LTBP1: variants seen among roughly 807,000 people sequenced by gnomAD.
LTBP1 encodes latent transforming growth factor beta binding protein 1, also known as latent-transforming growth factor beta-binding protein 1.
Under a neutral mutation model 207.6 loss-of-function variants are expected in LTBP1, and 129 were observed. The observed-to-expected ratio is 0.62, with a 90% CI of 0.54 to 0.72. The LOEUF is 0.72. LTBP1 is among the 30% of genes least tolerant of loss of function. LTBP1 has a pLI of 0.00. For synonymous variants in LTBP1, 963 were observed against 833.7 expected (o/e 1.16, Z -2.67); for missense variants, 2,281 against 2,217.2 (o/e 1.03, Z -0.58).
intron 31 of LTBP1, among the ~76,000 whole-genome samples, chr2:33,366,284 A>G (rs914065556): frequency 6.6e-6 from 1 of 152,244 alleles, no homozygotes; most frequent in African/African-American, 2.4e-5. Flanking sequence ...TGTTAAAGCT[A>G]GAAAGATCAT....
intron 3 of LTBP1, among the ~76,000 whole-genome samples, chr2:33,045,226 C>T (rs1290300906): frequency 6.6e-6 from 1 of 152,066 alleles, no homozygotes; most frequent in Non-Finnish European, 1.5e-5. Context: ...AGGTTTTCTT[C>T]TAGGGTTTTT....
chr2:32,998,762 C>G (rs2148948462), intron 2 of LTBP1, among the ~76,000 whole-genome samples: 1 of 152,160 alleles, frequency 6.6e-6, no homozygotes, highest in Middle Eastern at 3.4e-3. Context: ...TGTTCTCTCC[C>G]ATGTGAGGAT....
intron 24 of LTBP1, among the ~76,000 whole-genome samples, chr2:33,331,549 CTT>C (rs1411556285): frequency 6.6e-6 from 1 of 151,988 alleles, no homozygotes; most frequent in Non-Finnish European, 1.5e-5. Context: ...TGGTTTCTAC[CTT>C]AAAACCACTA....
intron 3 of LTBP1, among the ~76,000 whole-genome samples, chr2:33,084,316 T>C (rs1299012040): frequency 6.6e-6 from 1 of 152,162 alleles, no homozygotes; most frequent in Non-Finnish European, 1.5e-5. Context: ...TGGCCCTTTC[T>C]TGGGGAGACA....
At chr2:33,087,319 C>G (rs1439398001) in intron 3 of LTBP1, among the ~76,000 whole-genome samples, 1 of 152,042 alleles carries the variant, frequency 6.6e-6, no homozygotes, top group Non-Finnish European at 1.5e-5. Flanking sequence ...TCTTCTGCCT[C>G]CACCTCCCAA....
chr2:33,026,457 A>G (rs1227483188), intron 3 of LTBP1, among the ~76,000 whole-genome samples: 2 of 152,164 alleles, frequency 1.3e-5, no homozygotes, highest in East Asian at 1.9e-4. Flanking sequence ...ATCCTTGTCT[A>G]TGGATTGTTT....
intron 2 of LTBP1, among the ~76,000 whole-genome samples, chr2:32,961,553 TC>T (rs137915549): frequency 0.25 from 37,328 of 151,890 alleles, 4,690 homozygotes; most frequent in Admixed American, 0.32. Context: ...GTTTTGTTCA[TC>T]CCCCCCACCT....
chr2:33,221,833 T>C (rs932092723), intron 8 of LTBP1, among the ~76,000 whole-genome samples: 3 of 152,208 alleles, frequency 2.0e-5, no homozygotes, highest in Non-Finnish European at 4.4e-5. Context: ...TACAACAATC[T>C]TAGGATTGTT....
At position 33,070,020 on chromosome 2, in the gene LTBP1, C is replaced by T. The variant is rs574689570; in HGVS notation, c.864-40562C>T. ...TAAACTTCTTACAGTGAAAGCATAACCCAGTTCTGACAAAGGTTTTCAGCC... is the reference window on the plus strand; with the variant it reads ...TAAACTTCTTACAGTGAAAGCATAATCCAGTTCTGACAAAGGTTTTCAGCC... On this transcript the variant is annotated intron_variant, in intron 3 of 33. Coordinates refer to ENST00000404816, the MANE Select transcript of LTBP1 (RefSeq NM_206943.4). 5.9e-5 allele frequency among the ~76,000 whole-genome samples: 9 copies of T among 152,292 alleles called. No homozygotes were observed. In the South Asian group the frequency reaches 1.7e-3, roughly 28 times the overall value.
intron 31 of LTBP1, among the ~76,000 whole-genome samples, chr2:33,374,093 C>T (rs1216035078): frequency 6.6e-6 from 1 of 152,176 alleles, no homozygotes; most frequent in Non-Finnish European, 1.5e-5. Context: ...TGAAGGAAGA[C>T]AGGGATTTGA....
rs1394297830 is a variant in LTBP1 at position 32,948,950 on chromosome 2, G to A, written c.565+5G>A. 6.2e-7 allele frequency: 1 copy of A among 1,614,176 alleles called. No homozygotes were observed. Among genetic ancestry groups the A allele is most frequent in the Admixed American group, 1.7e-5 (1 of 60,032 alleles). ...GCTCCCAGAGGTGCACCAAACGTAAGTTGCCATGTTCACAGTGGCCCTGCA... is the reference window on the plus strand; with the variant it reads ...GCTCCCAGAGGTGCACCAAACGTAAATTGCCATGTTCACAGTGGCCCTGCA... On this transcript the variant is annotated splice_donor_5th_base_variant and intron_variant, in intron 2 of 33. Coordinates refer to ENST00000404816, the MANE Select transcript of LTBP1 (RefSeq NM_206943.4).
intron 3 of LTBP1, among the ~76,000 whole-genome samples, chr2:33,086,127 A>C (rs1239187539): frequency 6.6e-6 from 1 of 152,236 alleles, no homozygotes; most frequent in African/African-American, 2.4e-5. Context: ...ACCCACTGTG[A>C]AGTAGGTACC....
chr2:33,140,671 T>G (rs2082576898), intron 5 of LTBP1, among the ~76,000 whole-genome samples: 1 of 77,248 alleles, frequency 1.3e-5, no homozygotes, highest in East Asian at 9.5e-4. Context: ...ATTAATTAAT[T>G]TTTTTTTTTT....
At position 33,142,142 on chromosome 2, in the gene LTBP1, C is replaced by T. The variant is rs1258003495; in HGVS notation, c.1201+7182C>T. On this transcript the variant is annotated intron_variant, in intron 5 of 33. Transcript: ENST00000404816. ...TCTCGGCTCACTGCAAGCTCCGCCT[C>T]CCGGGTTCACGCCATTCTCATGCCT... 3.3e-5 allele frequency among the ~76,000 whole-genome samples: 5 copies of T among 152,132 alleles called. 1 individual carries two copies. The highest frequency in any genetic ancestry group is 7.4e-5 in the Non-Finnish European group (5 of 68,024).
chr2:33,168,205 C>T (rs2085094150), intron 5 of LTBP1, among the ~76,000 whole-genome samples: 1 of 151,794 alleles, frequency 6.6e-6, no homozygotes. Flanking sequence ...CATAGTGTGA[C>T]ACATCTCTAC....
At chr2:33,056,682 C>G (rs2077017316) in intron 3 of LTBP1, among the ~76,000 whole-genome samples, 1 of 151,898 alleles carries the variant, frequency 6.6e-6, no homozygotes, top group Non-Finnish European at 1.5e-5. Context: ...GGTTTGTGGT[C>G]TCGCTGGCTC....
At chr2:33,184,849 G>A (rs2087028121) in intron 5 of LTBP1, among the ~76,000 whole-genome samples, 1 of 150,542 alleles carries the variant, frequency 6.6e-6, no homozygotes, top group Non-Finnish European at 1.5e-5. Flanking sequence ...ACATAACAAG[G>A]TAACTTCCTG....
intron 3 of LTBP1, among the ~76,000 whole-genome samples, chr2:33,037,818 A>C (rs1351886209): frequency 1.3e-5 from 2 of 152,224 alleles, no homozygotes; most frequent in Non-Finnish European, 2.9e-5. Flanking sequence ...GCTGGGCTTA[A>C]GCAATTCTCC....
chr2:33,044,056 A>G (rs1412023913), intron 3 of LTBP1, among the ~76,000 whole-genome samples: 3 of 152,068 alleles, frequency 2.0e-5, no homozygotes, highest in African/African-American at 7.2e-5. Flanking sequence ...TTTTTCTTCA[A>G]AAGCCTTTAA....
Sources: gnomAD v4.1 joint callset for allele counts (sites outside exome capture counted in the v4.1 genomes callset) on GRCh38, gnomAD v4.1.1 for gene constraint, MANE v1.5 for transcripts, NCBI Gene and HGNC (gene_info 2026-07-23, HGNC 2026-07-21) for gene names.